NLRP1: variants seen among roughly 807,000 people sequenced by gnomAD.
NLRP1 encodes the protein NACHT, LRR and PYD domains-containing protein 1.
In NLRP1, 94 loss-of-function variants were observed where a neutral mutation model predicts 136.7. The ratio of observed to expected loss-of-function variants is 0.69; its 90% confidence interval spans 0.58 to 0.82. The LOEUF is 0.82. Ranked by LOEUF, NLRP1 falls within the 40% of genes least tolerant of loss-of-function variation. The pLI, the probability that NLRP1 is intolerant of heterozygous loss-of-function variation, is 0.00. For missense variants in NLRP1, 1,575 were observed against 1,802.7 expected (o/e 0.87, Z 2.29); for synonymous variants, 690 against 725.1 (o/e 0.95, Z 0.78).
At chr17:5,511,501 C>G (rs948449395), downstream of NLRP1, among the ~76,000 whole-genome samples, 1 of 151,884 alleles carries the variant, frequency 6.6e-6, no homozygotes, top group Non-Finnish European at 1.5e-5. Flanking sequence ...CCCATCCCCA[C>G]ACACTTGTTT....
intron 15 of NLRP1, chr17:5,505,067 T>G (rs932744154): frequency 6.6e-6 from 1 of 152,180 alleles, no homozygotes. Flanking sequence ...AACTTCTAAT[T>G]TATATGCGTG....
downstream of NLRP1, among the ~76,000 whole-genome samples, chr17:5,510,085 T>A (rs1246662324): frequency 3.5e-4 from 53 of 151,764 alleles, no homozygotes; most frequent in Admixed American, 3.3e-3. Context: ...TTTTTTTTTT[T>A]AAATAGAGAC....
chr17:5,523,403 C>T (rs3786056), intron 12 of NLRP1, among the ~76,000 whole-genome samples: 15,136 of 152,214 alleles, frequency 0.099, 1,796 homozygotes, highest in African/African-American at 0.27. Flanking sequence ...CGCCTGTCTC[C>T]GTATTTTCCT....
At chr17:5,515,442 C>G (rs1907971684) in intron 16 of NLRP1, 31 bp downstream of exon 16, 1 of 1,588,922 alleles carries the variant, frequency 6.3e-7, no homozygotes, top group African/African-American at 1.3e-5. Flanking sequence ...ACTGCCACCG[C>G]CTCCTGTGGT....
chr17:5,538,040 A>G (rs1366716858), intron 7 of NLRP1, among the ~76,000 whole-genome samples: 2 of 152,106 alleles, frequency 1.3e-5, no homozygotes, highest in Non-Finnish European at 2.9e-5. Flanking sequence ...TTCTGCCTTG[A>G]CCACTTCTTT....
At chr17:5,577,135 G>A (rs1304661348) in intron 3 of NLRP1, among the ~76,000 whole-genome samples, 1 of 152,118 alleles carries the variant, frequency 6.6e-6, no homozygotes, top group Non-Finnish European at 1.5e-5. Context: ...AGCTATTTAT[G>A]GCAAACCGAC....
intron 2 of NLRP1, 117 bp downstream of exon 2, chr17:5,582,553 C>T: frequency 3.1e-6 from 3 of 982,862 alleles, no homozygotes; most frequent in Non-Finnish European, 4.6e-6. Context: ...CTCCCCTATC[C>T]TTCCTCTGCT....
At chr17:5,567,585 G>A (rs1915470141) in intron 3 of NLRP1, among the ~76,000 whole-genome samples, 1 of 151,918 alleles carries the variant, frequency 6.6e-6, no homozygotes, top group Non-Finnish European at 1.5e-5. Context: ...TGTCTACTTA[G>A]GGTAAGAGAG....
intron 13 of NLRP1, 25 bp downstream of exon 13, chr17:5,521,499 C>G (rs879816570): frequency 1.9e-6 from 3 of 1,605,658 alleles, no homozygotes. Context: ...CACCGTGGCC[C>G]AGCCTTTCTG....
intron 3 of NLRP1, among the ~76,000 whole-genome samples, chr17:5,575,915 C>A (rs1320513601): frequency 6.6e-6 from 1 of 152,204 alleles, no homozygotes; most frequent in Non-Finnish European, 1.5e-5. Flanking sequence ...GAAATTATAA[C>A]AAACTGTCTC....
chr17:5,509,658 C>T (rs533586600), downstream of NLRP1, among the ~76,000 whole-genome samples: 8 of 152,288 alleles, frequency 5.3e-5, no homozygotes, highest in South Asian at 4.1e-4. Context: ...TGAGCCAGCA[C>T]GCCCAGCTCA....
rs150945476 is a variant in NLRP1 at position 5,565,256 on chromosome 17, T to C, written c.653-5213A>G. On this transcript the variant is annotated intron_variant, in intron 3 of 16. Coordinates refer to ENST00000572272, the MANE Select transcript of NLRP1 (RefSeq NM_033004.4). ...ATCAGTGATGTTGAATGCCTTTTCA[T>C]ATGCCTGTTTGCCATTTGTATATCT... is the stretch of plus-strand genomic sequence containing the variant. 4.3e-3 allele frequency among the ~76,000 whole-genome samples: 651 copies of C among 152,380 alleles called. 8 individuals are homozygous for C. Among genetic ancestry groups the C allele is most frequent in the Non-Finnish European group, 4.1e-3 (276 of 68,038 alleles).
At chr17:5,529,369 CTTTT>C (rs770430967) in intron 12 of NLRP1, among the ~76,000 whole-genome samples, 2 of 138,664 alleles carry the variant, frequency 1.4e-5, no homozygotes. Flanking sequence ...ATTGTTTATT[CTTTT>C]TTTTTTTTTT....
At chr17:5,524,179 C>T (rs188204133) in intron 12 of NLRP1, among the ~76,000 whole-genome samples, 74 of 152,334 alleles carry the variant, frequency 4.9e-4, no homozygotes, top group African/African-American at 1.3e-3. Context: ...TCCCAGACCG[C>T]GCCTGGCCAC....
At chr17:5,525,335 T>C (rs532715032) in intron 12 of NLRP1, among the ~76,000 whole-genome samples, 5 of 152,298 alleles carry the variant, frequency 3.3e-5, no homozygotes, top group African/African-American at 1.2e-4. Context: ...AATAGAACAA[T>C]GGCTCAAAGC....
At chr17:5,551,796 G>T (rs1157410828) in intron 5 of NLRP1, among the ~76,000 whole-genome samples, 1 of 151,956 alleles carries the variant, frequency 6.6e-6, no homozygotes, top group Non-Finnish European at 1.5e-5. Flanking sequence ...TAGAGATAAG[G>T]TCTGTCTCTG....
At chr17:5,580,776 C>T (rs1905551654) in intron 3 of NLRP1, among the ~76,000 whole-genome samples, 1 of 151,940 alleles carries the variant, frequency 6.6e-6, no homozygotes, top group African/African-American at 2.4e-5. Flanking sequence ...TTTTAATTCA[C>T]AAAATAATTC....
intron 15 of NLRP1, among the ~76,000 whole-genome samples, chr17:5,517,434 C>T (rs1240690609): frequency 7.1e-6 from 1 of 141,132 alleles, no homozygotes; most frequent in Non-Finnish European, 1.5e-5. Flanking sequence ...TTTGTCCAGG[C>T]TGGAGTGCAG....
intron 12 of NLRP1, among the ~76,000 whole-genome samples, chr17:5,527,186 T>C (rs1909663393): frequency 6.6e-6 from 1 of 151,120 alleles, no homozygotes; most frequent in African/African-American, 2.4e-5. Flanking sequence ...TGGGTCACAT[T>C]GGAAGAAGAA....
Sources: allele counts gnomAD v4.1 joint callset (sites outside exome capture counted in the v4.1 genomes callset), GRCh38; gene constraint gnomAD v4.1.1; transcripts MANE v1.5; gene names NCBI Gene and HGNC (gene_info 2026-07-23, HGNC 2026-07-21).